FAT4: variants seen among roughly 807,000 people sequenced by gnomAD.
FAT4 encodes FAT atypical cadherin 4.
In FAT4, 84 loss-of-function variants were observed where a neutral mutation model predicts 303.9. The ratio of observed to expected loss-of-function variants is 0.28; its 90% CI spans 0.23 to 0.33. The LOEUF is 0.33. Ranked by LOEUF, FAT4 falls within the 10% of genes least tolerant of loss-of-function variation. The pLI is 1.00. For synonymous variants in FAT4, 2,307 were observed against 2,298.8 expected (o/e 1.00, Z -0.10); for missense variants, 6,005 against 6,146.8 (o/e 0.98, Z 0.77).
intron 3 of FAT4, among the ~76,000 whole-genome samples, chr4:125,403,448 C>G (rs750259725): frequency 4.6e-5 from 7 of 151,984 alleles, no homozygotes; most frequent in African/African-American, 9.7e-5. Flanking sequence ...CCGATCCTTG[C>G]TTCTCTTCTT....
In FAT4 at chr4:125,415,766, T is replaced by C. The variant is rs1735031259; in HGVS notation, c.6803T>C (p.Val2268Ala). Reference protein sequence around the residue: ...VFELSPYSVNVPENLGTLPRT... With the variant: ...VFELSPYSVNAPENLGTLPRT... Reference sequence around the variant, plus strand: ...GAGCTATCTCCATATTCTGTAAATGTCCCTGAGAATTTAGGGACACTACCC... The same window carrying C: ...GAGCTATCTCCATATTCTGTAAATGCCCCTGAGAATTTAGGGACACTACCC... The change falls in exon 6 of 18, where the codon GTC becomes GCC. Residue 2268 changes from valine to alanine, a missense_variant. Physicochemically the swap from Val to Ala is moderately conservative, Grantham distance 64. Coordinates refer to ENST00000394329, the MANE Select transcript of FAT4 (RefSeq NM_001291303.3). The C allele has an allele frequency of 6.2e-7, 1 of 1,613,624 alleles. No homozygotes were observed. Among genetic ancestry groups the C allele is most frequent in the South Asian group, 1.1e-5 (1 of 91,066 alleles).
chr4:125,336,691 T>G (rs1384031242), intron 2 of FAT4, among the ~76,000 whole-genome samples: 1 of 151,990 alleles, frequency 6.6e-6, no homozygotes, highest in Non-Finnish European at 1.5e-5. Context: ...TTGAAAACTG[T>G]CCATTCTGGT....
At chr4:125,402,122 T>A (rs1734410644) in intron 3 of FAT4, among the ~76,000 whole-genome samples, 1 of 152,022 alleles carries the variant, frequency 6.6e-6, no homozygotes, top group Non-Finnish European at 1.5e-5. Flanking sequence ...AAAGATTGTT[T>A]TTTATCAACA....
intron 2 of FAT4, among the ~76,000 whole-genome samples, chr4:125,336,376 C>A (rs1731577688): frequency 6.6e-6 from 1 of 151,908 alleles, no homozygotes; most frequent in Admixed American, 6.6e-5. Context: ...GGTAGAGTAG[C>A]ATTTTCCAAT....
In FAT4 at chr4:125,406,884, C is replaced by G. The variant is rs1734633111; in HGVS notation, c.5312C>G (p.Ala1771Gly). ...QLTAMDADEG[A>G]NALVTYTIIS... ...ATGCTTGGTCTCTTTTTTTAGGGTGCAAATGCTCTCGTCACATACACTATC... is the reference window on the plus strand; with the variant it reads ...ATGCTTGGTCTCTTTTTTTAGGGTGGAAATGCTCTCGTCACATACACTATC... Residue 1771 changes from alanine to glycine, a missense_variant, in exon 4 of 18, where the codon GCA becomes GGA. Ala to Gly is a moderately conservative substitution (Grantham distance 60). Coordinates refer to ENST00000394329, the MANE Select transcript of FAT4 (RefSeq NM_001291303.3). The G allele has an allele frequency of 6.2e-7, 1 of 1,613,080 alleles. No homozygotes were observed.
intron 7 of FAT4, among the ~76,000 whole-genome samples, chr4:125,425,296 T>C (rs1245253317): frequency 6.6e-6 from 1 of 152,164 alleles, no homozygotes; most frequent in Non-Finnish European, 1.5e-5. Context: ...CATTCAGCTG[T>C]TTGTCAGTGA....
intron 2 of FAT4, among the ~76,000 whole-genome samples, chr4:125,352,374 G>A (rs1357590149): frequency 6.6e-6 from 1 of 151,384 alleles, no homozygotes; most frequent in Non-Finnish European, 1.5e-5. Flanking sequence ...AAGTGTAACA[G>A]CTTTAAATGA....
At chr4:125,327,998 G>T (rs1731223832) in intron 2 of FAT4, among the ~76,000 whole-genome samples, 1 of 152,066 alleles carries the variant, frequency 6.6e-6, no homozygotes. Context: ...ATAAATCTAG[G>T]CCCAGCGCTT....
Position 125,434,149 on chromosome 4 carries a change from T to C in FAT4, c.7019-96T>C, listed in dbSNP as rs878898855. On this transcript the variant is annotated intron_variant, in intron 7 of 17. Transcript: ENST00000394329. ...TCAGAAATTTTACTTTGATGTTTCC[T>C]AAATTCTCTTTAGTAATTCTGTCTA... 6.0e-6 allele frequency: 7 copies of C among 1,157,712 alleles called. No individual in the cohort carries two copies. The South Asian group carries it at 9.1e-5, about 15-fold the overall frequency. 71.7% of individuals were successfully genotyped at this position (1,157,712 alleles called of 1,614,324 possible).
rs1199006797 is a variant in FAT4, at chr4:125,319,450, T to C, written c.3039T>C (p.Ser1013=). The change falls in exon 2 of 18, where the codon TCT becomes TCC. Residue 1013 remains serine (S), a synonymous_variant. Coordinates refer to ENST00000394329, the MANE Select transcript of FAT4 (RefSeq NM_001291303.3). Reference sequence around the variant, plus strand: ...TTTCTGAGTCAGAACCTGTGAATTCTCGATTCTTTAAAGTACAAGCTTCTG... The same window carrying C: ...TTTCTGAGTCAGAACCTGTGAATTCCCGATTCTTTAAAGTACAAGCTTCTG... ...VTLSESEPVN[S]RFFKVQASDK... 6.2e-7 allele frequency: 1 copy of C among 1,613,720 alleles called. No homozygotes were observed. The highest frequency in any genetic ancestry group is 1.3e-5 in the African/African-American group (1 of 74,926).
chr4:125,429,873 C>T (rs557820201), intron 7 of FAT4, among the ~76,000 whole-genome samples: 8 of 152,088 alleles, frequency 5.3e-5, no homozygotes, highest in South Asian at 2.1e-4. Context: ...AAGCTTTGGA[C>T]GGAAGATAAA....
chr4:125,428,919 A>T (rs1725189982), intron 7 of FAT4, among the ~76,000 whole-genome samples: 1 of 152,176 alleles, frequency 6.6e-6, no homozygotes, highest in Non-Finnish European at 1.5e-5. Context: ...AGCCCGTGTC[A>T]TTATATCCTG....
chr4:125,414,650 T>A (rs1734967906), intron 5 of FAT4, among the ~76,000 whole-genome samples: 1 of 152,156 alleles, frequency 6.6e-6, no homozygotes, highest in Non-Finnish European at 1.5e-5. Context: ...AGGAAATATA[T>A]AGAAAAATAT....
chr4:125,368,592 T>C (rs1408060112), intron 2 of FAT4, among the ~76,000 whole-genome samples: 5 of 149,858 alleles, frequency 3.3e-5, no homozygotes. Flanking sequence ...TTTCAGACTT[T>C]CCTGATTCTG....
intron 2 of FAT4, among the ~76,000 whole-genome samples, chr4:125,373,790 G>C: frequency 6.6e-6 from 1 of 152,104 alleles, no homozygotes. Flanking sequence ...ACATGAAAAA[G>C]CCAAAAGTAA....
intron 2 of FAT4, among the ~76,000 whole-genome samples, chr4:125,395,611 G>T (rs142776954): frequency 2.9e-4 from 44 of 152,178 alleles, no homozygotes; most frequent in African/African-American, 1.0e-3. Flanking sequence ...GAACCACCGC[G>T]CCCGGCCATT....
At position 125,401,282 on chromosome 4, in the gene FAT4, C is replaced by A. The variant is rs73846001; in HGVS notation, c.5307+2367C>A. 2.7e-3 allele frequency among the ~76,000 whole-genome samples: 410 copies of A among 152,016 alleles called. 1 individual carries two copies. The highest frequency in any genetic ancestry group is 9.4e-3 in the African/African-American group (389 of 41,496). ...TGCCTATGGCATTTAGAATTTTGGG[C>A]TGTTTTCTTTTTGTTGTTGTTTTTA... On this transcript the variant is annotated intron_variant, in intron 3 of 17. Coordinates refer to ENST00000394329, the MANE Select transcript of FAT4 (RefSeq NM_001291303.3).
In FAT4 at chr4:125,317,209, T is replaced by A; in HGVS notation, c.798T>A (p.Gly266=). The part of the protein sequence containing the change: ...QAGVPEDAVV[G]SSVLQVAAAD... ...GGGTGCCTGAGGACGCGGTTGTGGG[T>A]TCCAGCGTCCTCCAGGTGGCGGCGG... is the stretch of plus-strand genomic sequence containing the variant. The change falls in exon 2 of 18, where the codon GGT becomes GGA. Residue 266 remains glycine (G), a synonymous_variant. Coordinates refer to ENST00000394329, the MANE Select transcript of FAT4 (RefSeq NM_001291303.3). This position sits in a 1 kb window ranked among gnomAD's most constrained non-coding sequence, Gnocchi z 7.0. The A allele has an allele frequency of 6.3e-7, 1 of 1,589,054 alleles. No homozygotes were observed. Among genetic ancestry groups the A allele is most frequent in the Non-Finnish European group, 8.6e-7 (1 of 1,165,252 alleles).
In FAT4 at chr4:125,385,020, A is replaced by T. The variant is rs199571866; in HGVS notation, c.5176-13764A>T. On this transcript the variant is annotated intron_variant, in intron 2 of 17. Coordinates refer to ENST00000394329, the MANE Select transcript of FAT4 (RefSeq NM_001291303.3). ...TATATACATATATATATATATATAT[A>T]TATATTTTTTTTTTTTTTGAGATGG... Among the ~76,000 whole-genome samples, 862 of 94,838 alleles carry T rather than the reference A, an allele frequency of 9.1e-3. 22 individuals carry two copies. Among genetic ancestry groups the T allele is most frequent in the African/African-American group, 0.035 (790 of 22,402 alleles). 62.2% of individuals were successfully genotyped at this position (94,838 alleles called of 152,430 possible). A position where few individuals can be genotyped will look rare whatever the true frequency, so the allele number is the denominator to read the frequency against.
Sources: gnomAD v4.1 joint callset for allele counts (sites outside exome capture counted in the v4.1 genomes callset) on GRCh38, gnomAD v4.1.1 for gene constraint, Gnocchi (gnomAD v3.1) non-coding constraint, MANE v1.5 for transcripts, NCBI Gene and HGNC (gene_info 2026-07-23, HGNC 2026-07-21) for gene names.